Variants in KIAA1549 observed in about 807,000 individuals in gnomAD.
KIAA1549 encodes the protein UPF0606 protein KIAA1549.
KIAA1549 carries 70 observed loss-of-function variants against 156.4 expected under a neutral mutation model. That is an observed-to-expected ratio of 0.45 (90% CI 0.37 to 0.55). The LOEUF (loss-of-function observed/expected upper bound fraction) is 0.55. KIAA1549 is among the 20% of genes least tolerant of loss of function. The probability of loss-of-function intolerance (pLI) is 0.00; values close to 1 mark genes in which losing one functional copy is unlikely to be tolerated. For synonymous variants in KIAA1549, 1,103 were observed against 1,066.4 expected (o/e 1.03, Z -0.67); for missense variants, 2,428 against 2,540.9 (o/e 0.96, Z 0.96).
At chr7:138,868,838 G>A (rs1810831615) in intron 14 of KIAA1549, among the ~76,000 whole-genome samples, 2 of 152,208 alleles carry the variant, frequency 1.3e-5, no homozygotes, top group African/African-American at 4.8e-5. Flanking sequence ...GGGGCTACCA[G>A]GCCGTCTCCT....
chr7:138,877,855 G>A (rs543049040), intron 12 of KIAA1549, among the ~76,000 whole-genome samples: 2 of 152,286 alleles, frequency 1.3e-5, no homozygotes, highest in South Asian at 2.1e-4. Flanking sequence ...CCTATGTTGA[G>A]AGTGGTGTTT....
chr7:138,931,985 G>C (rs887430581), intron 1 of KIAA1549, among the ~76,000 whole-genome samples: 3 of 151,992 alleles, frequency 2.0e-5, no homozygotes, highest in Non-Finnish European at 4.4e-5. Context: ...GGGGAGGCGT[G>C]GGGTGTGTAT....
chr7:138,951,779 T>C (rs1813506545), intron 1 of KIAA1549, among the ~76,000 whole-genome samples: 1 of 152,148 alleles, frequency 6.6e-6, no homozygotes, highest in African/African-American at 2.4e-5. Flanking sequence ...ATGAGAAAAC[T>C]ATACAAGAAA....
intron 8 of KIAA1549, among the ~76,000 whole-genome samples, chr7:138,902,103 C>T (rs1811859042): frequency 6.6e-6 from 1 of 152,138 alleles, no homozygotes; most frequent in Non-Finnish European, 1.5e-5. Context: ...TTTGTTGATA[C>T]TTATTCGTTT....
chr7:138,912,451 C>A lies in KIAA1549; in HGVS notation c.2888G>T (p.Arg963Ile). The change falls in exon 3 of 20, where the codon AGA becomes ATA. Residue 963 changes from arginine to isoleucine, a missense_variant. Physicochemically the swap from Arg to Ile is moderately conservative, Grantham distance 97 (BLOSUM62 -3). Transcript: ENST00000422774. ...AATGATGTACTCCTGCACAGCTCTT[C>A]TGGCCAGCACTGCAAATGAAAGCAA... ...DAYLITTVLA[R>I]RAVQEYIITA... is the part of the protein sequence containing the mutation. 2 of 1,613,506 alleles carry A rather than the reference C, an allele frequency of 1.2e-6. No individual in the cohort carries two copies. Among genetic ancestry groups the A allele is most frequent in the Non-Finnish European group, 1.7e-6 (2 of 1,179,562 alleles).
At chr7:138,945,010 G>A (rs1311778042) in intron 1 of KIAA1549, among the ~76,000 whole-genome samples, 1 of 152,212 alleles carries the variant, frequency 6.6e-6, no homozygotes, top group Non-Finnish European at 1.5e-5. Flanking sequence ...TAAATTTTAT[G>A]TTATGCATGT....
In KIAA1549 at chr7:138,852,231, T is replaced by A. The variant is rs369852769; in HGVS notation, c.5286A>T (p.Pro1762=). The part of the protein sequence containing the change: ...EDYGMTPPTG[P]LPRPGFGPGL... ...TGTTTTGAAAACCTTACCTTGGCAA[T>A]GGACCCGTCGGGGGAGTCATTCCAT... Residue 1762 remains proline, a synonymous_variant, in exon 17 of 20, where the codon CCA becomes CCT. Coordinates refer to ENST00000422774, the MANE Select transcript of KIAA1549 (RefSeq NM_001164665.2). 1 of 1,610,620 alleles carries A rather than the reference T, an allele frequency of 6.2e-7. No homozygotes were observed.
chr7:138,906,850 TAAG>T (rs1812018306), intron 6 of KIAA1549, 66 bp downstream of exon 6: 1 of 1,212,518 alleles, frequency 8.2e-7, no homozygotes, highest in African/African-American at 1.5e-5. Context: ...AAAAAAATTT[TAAG>T]AAGAGGTCTT....
In KIAA1549 at chr7:138,870,061, G is replaced by A. The variant is rs557930195; in HGVS notation, c.4552-300C>T. 7.9e-5 allele frequency among the ~76,000 whole-genome samples: 12 copies of A among 152,158 alleles called. No individual in the cohort carries two copies. In the East Asian group the frequency reaches 2.3e-3, roughly 29 times the overall value. ...AGATGGGGTTTCTCTATGTTGGCCA[G>A]GCTGGTCTCGAACTCCTGACCTGAA... On this transcript the variant is annotated intron_variant, in intron 13 of 19. Transcript: ENST00000422774.
intron 1 of KIAA1549, among the ~76,000 whole-genome samples, chr7:138,968,168 A>C (rs1276884397): frequency 1.3e-5 from 2 of 152,132 alleles, no homozygotes; most frequent in African/African-American, 4.8e-5. Flanking sequence ...GAAGGGAACA[A>C]CACACACCAG....
chr7:138,861,684 C>G (rs556898228), intron 15 of KIAA1549, among the ~76,000 whole-genome samples: 66 of 144,810 alleles, frequency 4.6e-4, no homozygotes, highest in African/African-American at 1.5e-3. Flanking sequence ...AGACCCCCCC[C>G]ATCTCTAAAA....
chr7:138,931,724 C>G (rs1004629470), intron 1 of KIAA1549, among the ~76,000 whole-genome samples: 7 of 146,292 alleles, frequency 4.8e-5, no homozygotes, highest in Non-Finnish European at 4.5e-5. Flanking sequence ...TGTACTCCAG[C>G]CTGGGTGACA....
chr7:138,899,364 T>C lies in KIAA1549; in HGVS notation c.3670-232A>G, dbSNP rs528325555. On this transcript the variant is annotated intron_variant, in intron 8 of 19. Transcript: ENST00000422774. ...GGTTGCTTCATCTCGCTCTACATCT[T>C]TTCTGGGGCCAAGGGGCAGGGAGGC... is the stretch of plus-strand genomic sequence containing the variant. Among the ~76,000 whole-genome samples the C allele has an allele frequency of 6.6e-5, 10 of 152,236 alleles. No homozygotes were observed. The South Asian group carries it at 1.9e-3, about 28-fold the overall frequency.
At chr7:138,969,073 CCTT>C (rs1037550672) in intron 1 of KIAA1549, among the ~76,000 whole-genome samples, 9 of 152,118 alleles carry the variant, frequency 5.9e-5, no homozygotes, top group African/African-American at 1.9e-4. Flanking sequence ...CTGCTCCTCT[CCTT>C]CCTCCCACCA....
intron 14 of KIAA1549, among the ~76,000 whole-genome samples, chr7:138,868,920 C>T (rs572925910): frequency 1.6e-4 from 24 of 152,232 alleles, no homozygotes; most frequent in African/African-American, 3.9e-4. Context: ...CGGCCTGCGA[C>T]GGGAGCACAG....
At chr7:138,863,658 C>G (rs1278340803) in intron 15 of KIAA1549, among the ~76,000 whole-genome samples, 1 of 152,148 alleles carries the variant, frequency 6.6e-6, no homozygotes. Flanking sequence ...TCTGGCATGA[C>G]CAGGCCCTCA....
intron 1 of KIAA1549, among the ~76,000 whole-genome samples, chr7:138,950,796 G>T (rs929145526): frequency 6.6e-6 from 1 of 152,048 alleles, no homozygotes; most frequent in Non-Finnish European, 1.5e-5. Context: ...CTCCCCGGGG[G>T]CTGAAACCTT....
Position 138,894,288 on chromosome 7 carries a change from C to T in KIAA1549, c.4032+54G>A. 3 of 1,563,952 alleles carry T rather than the reference C, an allele frequency of 1.9e-6. No homozygotes were observed. The South Asian group carries it at 3.4e-5, about 18-fold the overall frequency. ...TATCAAGAGCCCAAACTCATCCTATCCCTGCCCCACAAAACTGCTTATAGG... is the reference window on the plus strand; with the variant it reads ...TATCAAGAGCCCAAACTCATCCTATTCCTGCCCCACAAAACTGCTTATAGG... On this transcript the variant is annotated intron_variant, in intron 10 of 19. Coordinates refer to ENST00000422774, the MANE Select transcript of KIAA1549 (RefSeq NM_001164665.2).
chr7:138,858,978 C>A (rs533483991), intron 16 of KIAA1549, among the ~76,000 whole-genome samples: 5 of 150,174 alleles, frequency 3.3e-5, no homozygotes, highest in Non-Finnish European at 7.4e-5. Flanking sequence ...TGCACTCCAG[C>A]CTGGGTGACA....
Sources: allele counts gnomAD v4.1 joint callset (sites outside exome capture counted in the v4.1 genomes callset), GRCh38; gene constraint gnomAD v4.1.1; transcripts MANE v1.5; gene names NCBI Gene and HGNC (gene_info 2026-07-23, HGNC 2026-07-21).